Variants in ARHGAP26 observed in about 807,000 individuals in gnomAD.
ARHGAP26 encodes the protein Rho GTPase activating protein 26.
Under a neutral mutation model 104.8 loss-of-function variants are expected in ARHGAP26, and 38 were observed. The ratio of observed to expected loss-of-function variants is 0.36; its 90% confidence interval spans 0.28 to 0.48. The LOEUF is 0.48. Among genes scored for constraint, ARHGAP26 ranks in the 20% least tolerant of loss-of-function variants. The pLI, the probability that ARHGAP26 is intolerant of heterozygous loss-of-function variation, is 0.99. For synonymous variants in ARHGAP26, 341 were observed against 340.0 expected (o/e 1.00, Z -0.03); for missense variants, 704 against 947.9 (o/e 0.74, Z 3.38).
At chr5:143,164,573 C>G (rs914827563) in intron 20 of ARHGAP26, among the ~76,000 whole-genome samples, 1 of 152,170 alleles carries the variant, frequency 6.6e-6, no homozygotes, top group African/African-American at 2.4e-5. Context: ...TACCCTTCTA[C>G]TAGCAGCTCT....
At chr5:143,104,046 A>AT (rs368217572) in intron 17 of ARHGAP26, among the ~76,000 whole-genome samples, 1 of 151,990 alleles carries the variant, frequency 6.6e-6, no homozygotes, top group African/African-American at 2.4e-5. Context: ...AAAGAGAGAA[A>AT]TGAAACTTAA....
At chr5:143,063,391 A>C (rs2150333619) in intron 17 of ARHGAP26, among the ~76,000 whole-genome samples, 1 of 152,272 alleles carries the variant, frequency 6.6e-6, no homozygotes, top group Non-Finnish European at 1.5e-5. Flanking sequence ...TTGTGCTTCC[A>C]GGGAACTTTG....
intron 11 of ARHGAP26, among the ~76,000 whole-genome samples, chr5:142,976,506 A>G (rs1773110270): frequency 6.6e-6 from 1 of 152,158 alleles, no homozygotes; most frequent in Non-Finnish European, 1.5e-5. Context: ...TTATTACTAC[A>G]TTTTTGTATA....
At chr5:143,008,393 C>A (rs1598605335) in intron 11 of ARHGAP26, among the ~76,000 whole-genome samples, 1 of 152,164 alleles carries the variant, frequency 6.6e-6, no homozygotes, top group African/African-American at 2.4e-5. Flanking sequence ...GATGGTGGAC[C>A]CACTTTGTCA....
chr5:143,007,123 A>T (rs1008239461), intron 11 of ARHGAP26, among the ~76,000 whole-genome samples: 1 of 145,872 alleles, frequency 6.9e-6, no homozygotes, highest in East Asian at 2.1e-4. Context: ...TGAACCCAGG[A>T]GGCAGAAGTT....
intron 11 of ARHGAP26, among the ~76,000 whole-genome samples, chr5:142,951,086 G>A (rs1258046802): frequency 2.0e-5 from 3 of 146,370 alleles, no homozygotes; most frequent in African/African-American, 7.5e-5. Context: ...CCGAGACAGA[G>A]TCTCACTTTG....
chr5:143,017,904 A>G (rs927903869), intron 12 of ARHGAP26, among the ~76,000 whole-genome samples: 4 of 152,218 alleles, frequency 2.6e-5, no homozygotes, highest in Non-Finnish European at 4.4e-5. Context: ...AAGGCTATGC[A>G]TATACTTAGT....
Position 143,222,571 on chromosome 5 carries a change from A to G in ARHGAP26, c.*125A>G. 3.0e-6 allele frequency: 2 copies of G among 657,212 alleles called. No individual in the cohort carries two copies. Among genetic ancestry groups the G allele is most frequent in the Non-Finnish European group, 4.8e-6 (2 of 416,726 alleles). 40.7% of individuals were successfully genotyped at this position (657,212 alleles called of 1,614,324 possible). A position where few individuals can be genotyped will look rare whatever the true frequency, so the allele number is the denominator to read the frequency against. On this transcript the variant is annotated 3_prime_UTR_variant, in exon 23 of 23. Transcript: ENST00000645722. ...GTGACTGACTCTGTTGCTACCTGTC[A>G]ACATGAATGTTTCTGTGAGCTCTGG...
chr5:142,906,392 GA>G (rs1234590949), intron 8 of ARHGAP26, among the ~76,000 whole-genome samples: 1 of 152,160 alleles, frequency 6.6e-6, no homozygotes, highest in African/African-American at 2.4e-5. Flanking sequence ...TCTTTACTAT[GA>G]TGGTTGCAAA....
chr5:142,982,709 A>G (rs1240707559), intron 11 of ARHGAP26, among the ~76,000 whole-genome samples: 1 of 152,162 alleles, frequency 6.6e-6, no homozygotes, highest in Non-Finnish European at 1.5e-5. Flanking sequence ...TGCATTCCTT[A>G]GCTTTGAGGC....
intron 12 of ARHGAP26, among the ~76,000 whole-genome samples, chr5:143,036,256 G>A (rs1598740998): frequency 1.3e-5 from 2 of 152,256 alleles, no homozygotes; most frequent in Admixed American, 1.3e-4. Flanking sequence ...GTCCTAAGAA[G>A]GTCAAAGATG....
chr5:142,815,565 A>C (rs1764942483), intron 1 of ARHGAP26, among the ~76,000 whole-genome samples: 1 of 152,162 alleles, frequency 6.6e-6, no homozygotes, highest in Non-Finnish European at 1.5e-5. Context: ...ATTCTTATTC[A>C]CTGCACACAT....
At chr5:142,907,892 T>TA (rs2152469696) in intron 9 of ARHGAP26, 88 bp downstream of exon 9, 1 of 760,892 alleles carries the variant, frequency 1.3e-6, no homozygotes, top group South Asian at 3.4e-5. Flanking sequence ...CCTCCAGTGT[T>TA]ATATTTATGT....
chr5:142,866,243 A>C (rs1411865694), intron 1 of ARHGAP26, among the ~76,000 whole-genome samples: 1 of 152,180 alleles, frequency 6.6e-6, no homozygotes, highest in East Asian at 1.9e-4. Context: ...ATTTCTTTGA[A>C]TACATTGATA....
At chr5:143,033,980 T>A (rs1782260198) in intron 12 of ARHGAP26, among the ~76,000 whole-genome samples, 1 of 152,030 alleles carries the variant, frequency 6.6e-6, no homozygotes, top group Non-Finnish European at 1.5e-5. Flanking sequence ...GGAATGAAAA[T>A]CCTCCCTGCA....
At chr5:142,985,472 A>T (rs1398574547) in intron 11 of ARHGAP26, among the ~76,000 whole-genome samples, 2 of 151,824 alleles carry the variant, frequency 1.3e-5, no homozygotes, top group East Asian at 3.9e-4. Context: ...TGTAAGCTCC[A>T]TTCATGGTAA....
chr5:143,184,693 C>A (rs1457480571), intron 20 of ARHGAP26, among the ~76,000 whole-genome samples: 1 of 152,168 alleles, frequency 6.6e-6, no homozygotes, highest in African/African-American at 2.4e-5. Context: ...TTAGAGCTTT[C>A]ATTTCTTTTG....
At chr5:142,931,305 C>T (rs548655061) in intron 10 of ARHGAP26, among the ~76,000 whole-genome samples, 3 of 152,258 alleles carry the variant, frequency 2.0e-5, no homozygotes, top group East Asian at 1.9e-4. Flanking sequence ...CTCCCAAGGT[C>T]GTTTTTATGG....
At position 143,094,356 on chromosome 5, in the gene ARHGAP26, C is replaced by A. The variant is rs547711322; in HGVS notation, c.1539-26632C>A. ...TTGCTGGTCAGTTTCTTTTTTCCCT[C>A]GCGTTGCTGAGAGCTCAGGTTATTC... On this transcript the variant is annotated intron_variant, in intron 17 of 22. Coordinates refer to ENST00000645722, the MANE Select transcript of ARHGAP26 (RefSeq NM_001135608.3). Among the ~76,000 whole-genome samples, 233 of 152,248 alleles carry A rather than the reference C, an allele frequency of 1.5e-3. 1 individual carries two copies. Among genetic ancestry groups the A allele is most frequent in the African/African-American group, 5.3e-3 (221 of 41,546 alleles).
Sources: allele counts gnomAD v4.1 joint callset (sites outside exome capture counted in the v4.1 genomes callset), GRCh38; gene constraint gnomAD v4.1.1; transcripts MANE v1.5; gene names NCBI Gene and HGNC (gene_info 2026-07-23, HGNC 2026-07-21).